SARDH: variants seen among roughly 807,000 people sequenced by gnomAD.
The protein encoded by SARDH is sarcosine dehydrogenase, also known as sarcosine dehydrogenase, mitochondrial.
A neutral mutation model predicts 109.1 loss-of-function variants in SARDH; 95 were observed. The observed-to-expected ratio is 0.87, with a 90% confidence interval of 0.74 to 1.03. The LOEUF (loss-of-function observed/expected upper bound fraction) is 1.03, where lower values mean the gene tolerates loss of function less well. SARDH is among the 50% of genes least tolerant of loss of function. The pLI, the probability that SARDH is intolerant of heterozygous loss-of-function variation, is 0.00. For synonymous variants in SARDH, 572 were observed against 534.8 expected (o/e 1.07, Z -0.96); for missense variants, 1,267 against 1,287.8 (o/e 0.98, Z 0.25).
Position 133,730,165 on chromosome 9 carries a change from G to T in SARDH, c.713C>A (p.Thr238Asn), listed in dbSNP as rs749240634. Residue 238 changes from threonine to asparagine, a missense_variant, in exon 5 of 21, where the codon ACC becomes AAC. Thr to Asn is a moderately conservative substitution (Grantham distance 65). Transcript: ENST00000439388. The part of the protein sequence containing the change: ...GAQVIENCPV[T>N]GIRVWTDDFG... ...ATCATCCGTCCACACACGAATGCCG[G>T]TCACTGGGCAGTTCTCAATGACCTG... 1 of 1,614,212 alleles carries T rather than the reference G, an allele frequency of 6.2e-7. No homozygotes were observed.
chr9:133,662,678 A>C (rs1022636554), downstream of SARDH, among the ~76,000 whole-genome samples: 2 of 152,220 alleles, frequency 1.3e-5, no homozygotes, highest in East Asian at 3.8e-4. The surrounding 1 kb of genome is among the most constrained non-coding windows in gnomAD (Gnocchi z 5.1). Context: ...GTCCAGTGGC[A>C]GCTGGGGCCT....
intron 17 of SARDH, among the ~76,000 whole-genome samples, chr9:133,677,449 TG>T (rs1335322794): frequency 6.6e-6 from 1 of 151,578 alleles, no homozygotes; most frequent in Non-Finnish European, 1.5e-5. Context: ...CCTGGCCAGG[TG>T]GGGGTCAAGC....
At chr9:133,688,213 C>T (rs960301546) in intron 16 of SARDH, among the ~76,000 whole-genome samples, 6 of 152,198 alleles carry the variant, frequency 3.9e-5, no homozygotes, top group East Asian at 3.9e-4. Flanking sequence ...CACAGCATCG[C>T]GGCTGCCTGT....
intron 13 of SARDH, 123 bp from the exon 14 acceptor site, chr9:133,696,484 C>T (rs1831294250): frequency 2.5e-6 from 3 of 1,209,704 alleles, no homozygotes; most frequent in Non-Finnish European, 3.5e-6. Flanking sequence ...CCCTCTCTTC[C>T]AGCCCGCACC....
In SARDH at chr9:133,670,670, C is replaced by T. The variant is rs115287169; in HGVS notation, c.2409G>A (p.Ser803=). The T allele has an allele frequency of 2.9e-4, 465 of 1,604,012 alleles. No homozygotes were observed. The highest frequency in any genetic ancestry group is 1.5e-3 in the African/African-American group (111 of 74,896). The part of the protein sequence containing the change: ...AGLAFTCKLK[S]PVPFLGREAL... ...CCTCCCTCCCCAGGAAGGGCACCGG[C>T]GACTTGAGCTTGCAGGTGAAGGCCA... Residue 803 remains serine, a synonymous_variant, in exon 19 of 21, where the codon TCG becomes TCA. Coordinates refer to ENST00000439388, the MANE Select transcript of SARDH (RefSeq NM_001134707.2).
chr9:133,705,832 A>G (rs1195063667), intron 11 of SARDH, among the ~76,000 whole-genome samples: 2 of 152,186 alleles, frequency 1.3e-5, no homozygotes, highest in African/African-American at 2.4e-5. Context: ...TGAGGTCATC[A>G]GGGTGGGTCC....
intron 1 of SARDH, among the ~76,000 whole-genome samples, chr9:133,737,195 G>C (rs1435102721): frequency 6.6e-6 from 1 of 152,240 alleles, no homozygotes; most frequent in Non-Finnish European, 1.5e-5. Context: ...CCTAGGCACA[G>C]TGGGGGATGT....
chr9:133,700,737 G>A (rs2510241), intron 13 of SARDH, among the ~76,000 whole-genome samples: 64,204 of 130,306 alleles, frequency 0.49, 14,328 homozygotes, highest in Middle Eastern at 0.58. Context: ...ACACGCACGC[G>A]CACACACACA....
intron 3 of SARDH, 103 bp from the exon 4 acceptor site, chr9:133,731,587 TC>T: frequency 1.6e-6 from 2 of 1,217,804 alleles, no homozygotes; most frequent in Admixed American, 2.1e-5. Flanking sequence ...CCTCACTTTC[TC>T]CCAGAAGCCT....
intron 8 of SARDH, among the ~76,000 whole-genome samples, chr9:133,713,630 T>A (rs1458420085): frequency 6.6e-6 from 1 of 152,240 alleles, no homozygotes; most frequent in Non-Finnish European, 1.5e-5. Context: ...GGCTCCCAAC[T>A]TCTGCGGGGG....
At position 133,686,087 on chromosome 9, in the gene SARDH, G is replaced by A. The variant is rs1344238842; in HGVS notation, c.2070-801C>T. 2.6e-5 allele frequency among the ~76,000 whole-genome samples: 4 copies of A among 152,162 alleles called. No individual in the cohort carries two copies. The highest frequency in any genetic ancestry group is 2.1e-4 in the South Asian group (1 of 4,834). ...GAGTGCCACAGTGCTATGAGGGCCC[G>A]GGAATGTTCCTGAGCACTGGACACT... On this transcript the variant is annotated intron_variant, in intron 16 of 20. Coordinates refer to ENST00000439388, the MANE Select transcript of SARDH (RefSeq NM_001134707.2). This position sits in a 1 kb window ranked among gnomAD's most constrained non-coding sequence, Gnocchi z 4.0.
At chr9:133,678,512 C>T (rs1280911315) in intron 17 of SARDH, among the ~76,000 whole-genome samples, 1 of 152,236 alleles carries the variant, frequency 6.6e-6, no homozygotes, top group Non-Finnish European at 1.5e-5. Flanking sequence ...AAGCCTTCCC[C>T]ACTTTTCTGG....
At position 133,686,481 on chromosome 9, in the gene SARDH, A is replaced by G. The variant is rs938792642; in HGVS notation, c.2070-1195T>C. Among the ~76,000 whole-genome samples, 1 of 152,040 alleles carries G rather than the reference A, an allele frequency of 6.6e-6. No homozygotes were observed. The highest frequency in any genetic ancestry group is 2.4e-5 in the African/African-American group (1 of 41,396). ...GCAGGTACTCGTTGTCCAAGATCCC[A>G]CAGTCTCCTGCCAGGGTGTCTCTCA... On this transcript the variant is annotated intron_variant, in intron 16 of 20. Coordinates refer to ENST00000439388, the MANE Select transcript of SARDH (RefSeq NM_001134707.2). This position sits in a 1 kb window ranked among gnomAD's most constrained non-coding sequence, Gnocchi z 4.0.
At position 133,718,606 on chromosome 9, in the gene SARDH, A is replaced by T; in HGVS notation, c.1020+332T>A. The stretch of plus-strand genomic sequence containing the variant: ...AGGCCAGGGGAAATGCCGCTGCAGC[A>T]GCTGGTTGGGAGGGCAGTGTCATTT... On this transcript the variant is annotated intron_variant, in intron 7 of 20. Coordinates refer to ENST00000439388, the MANE Select transcript of SARDH (RefSeq NM_001134707.2). The surrounding 1 kb of genome is among the most constrained non-coding windows in gnomAD (Gnocchi z 4.2). The T allele has an allele frequency of 1.3e-6, 1 of 769,006 alleles. No individual in the cohort carries two copies. The highest frequency in any genetic ancestry group is 2.4e-5 in the East Asian group (1 of 41,012). The allele number at this position is 769,006 out of a possible 1,614,324, so 47.6% of individuals were successfully genotyped here.
intron 17 of SARDH, among the ~76,000 whole-genome samples, chr9:133,678,583 T>C (rs2797832): frequency 0.49 from 74,434 of 152,062 alleles, 20,952 homozygotes; most frequent in African/African-American, 0.79. Flanking sequence ...TCATAAGACC[T>C]TTGCTCCAGG....
Position 133,703,022 on chromosome 9 carries a change from T to C in SARDH, c.1562A>G (p.Glu521Gly). The C allele has an allele frequency of 6.2e-7, 1 of 1,612,954 alleles. No individual in the cohort carries two copies. The highest frequency in any genetic ancestry group is 8.5e-7 in the Non-Finnish European group (1 of 1,179,814). The change falls in exon 13 of 21, where the codon GAG becomes GGG. Residue 521 changes from glutamate (E) to glycine (G), a missense_variant. By Grantham distance (98) the Glu-to-Gly change is moderately conservative (BLOSUM62 -2). Transcript: ENST00000439388. ...CCCGTAAGCCCCGTAGTAGTCGTAC[T>C]CGAGGACCTGGGAAGAAAAGACGTG... The part of the protein sequence containing the change: ...FHPRGPAPVL[E>G]YDYYGAYGSR...
chr9:133,671,085 A>G (rs536408689), intron 18 of SARDH, among the ~76,000 whole-genome samples: 1 of 152,212 alleles, frequency 6.6e-6, no homozygotes, highest in African/African-American at 2.4e-5. Flanking sequence ...TGGGTGCCCA[A>G]CACGCTGGGG....
chr9:133,734,046 T>A lies in SARDH; in HGVS notation c.128A>T (p.Gln43Leu). The change falls in exon 2 of 21, where the codon CAG becomes CTG. Residue 43 changes from glutamine to leucine, a missense_variant. Coordinates refer to ENST00000439388, the MANE Select transcript of SARDH (RefSeq NM_001134707.2). Reference protein sequence around the residue: ...GPTAEKSVPYQRTLKEGQGTS... With the variant: ...GPTAEKSVPYLRTLKEGQGTS... ...GCCCTGTCCCTCCTTCAGGGTCCGC[T>A]GATATGGCACACTCTTCTCGGCTGT... 1 of 1,613,366 alleles carries A rather than the reference T, an allele frequency of 6.2e-7. No homozygotes were observed. Among genetic ancestry groups the A allele is most frequent in the South Asian group, 1.1e-5 (1 of 91,080 alleles).
rs1208952429 is a variant in SARDH at position 133,675,065 on chromosome 9, C to T, written c.2164-3368G>A. On this transcript the variant is annotated intron_variant, in intron 17 of 20. Coordinates refer to ENST00000439388, the MANE Select transcript of SARDH (RefSeq NM_001134707.2). ...CACCATTAAAAATGGGCAAAGGGGC[C>T]GGGTGTGGTGGCTCATGCCTGTAAT... Among the ~76,000 whole-genome samples the T allele has an allele frequency of 3.3e-5, 5 of 152,216 alleles. No homozygotes were observed. In the East Asian group the frequency reaches 5.8e-4, roughly 18 times the overall value.
Sources: allele counts gnomAD v4.1 joint callset (sites outside exome capture counted in the v4.1 genomes callset), GRCh38; gene constraint gnomAD v4.1.1; non-coding constraint Gnocchi (gnomAD v3.1); transcripts MANE v1.5; gene names NCBI Gene and HGNC (gene_info 2026-07-23, HGNC 2026-07-21).